Variants in PSME4 observed in about 807,000 individuals in gnomAD.
PSME4 encodes proteasome activator subunit 4.
A neutral mutation model predicts 253.9 loss-of-function variants in PSME4; 89 were observed. The observed-to-expected ratio is 0.35, with a 90% CI of 0.30 to 0.42. PSME4 has a LOEUF of 0.42. Among genes scored for constraint, PSME4 ranks in the 10% least tolerant of loss-of-function variants. The pLI is 1.00. For missense variants in PSME4, 2,014 were observed against 2,195.2 expected, an observed-to-expected ratio of 0.92 and a Z score of 1.65; for synonymous variants, 851 against 759.2, an observed-to-expected ratio of 1.12 and a Z score of -1.99.
At chr2:53,939,845 T>A (rs1166558117) in intron 4 of PSME4, 111 bp downstream of exon 4, 18 of 892,556 alleles carry the variant, frequency 2.0e-5, no homozygotes, top group Non-Finnish European at 3.0e-5. Context: ...GTGACTAACA[T>A]CACAATGTCA....
chr2:53,893,075 C>G (rs1679983229), intron 35 of PSME4, 115 bp from the exon 36 acceptor site: 1 of 796,430 alleles, frequency 1.3e-6, no homozygotes. Flanking sequence ...GCACACTCCC[C>G]TTTAGAACTG....
intron 20 of PSME4, among the ~76,000 whole-genome samples, chr2:53,914,277 T>C (rs1323605041): frequency 6.6e-6 from 1 of 152,268 alleles, no homozygotes; most frequent in East Asian, 1.9e-4. Flanking sequence ...TTAATGATGA[T>C]TTCAGGATTA....
chr2:53,962,955 A>G (rs919152452), intron 1 of PSME4, among the ~76,000 whole-genome samples: 15 of 151,328 alleles, frequency 9.9e-5, no homozygotes, highest in Non-Finnish European at 1.9e-4. Context: ...GGCTGCAGTG[A>G]GCCGAGATCG....
chr2:53,926,001 G>A lies in PSME4; in HGVS notation c.1616C>T (p.Ala539Val), dbSNP rs1241245303. Reference sequence around the variant, plus strand: ...GACGAAATCCTCAAATTCAGCTGTGGCTGAACAAAGTTCTCGTTCCACCTA... The same window carrying A: ...GACGAAATCCTCAAATTCAGCTGTGACTGAACAAAGTTCTCGTTCCACCTA... Reference protein sequence around the residue: ...LTEVERELCSATAEFEDFVLQ... With the variant: ...LTEVERELCSVTAEFEDFVLQ... The change falls in exon 13 of 47, where the codon GCC becomes GTC. Residue 539 changes from alanine to valine, a missense_variant. By Grantham distance (64) the Ala-to-Val change is moderately conservative. This residue lies in a region of PSME4 where 989 missense variants were observed against 1,021.1 expected (regional missense o/e 0.97). Transcript: ENST00000404125. The A allele has an allele frequency of 6.2e-7, 1 of 1,613,406 alleles. No homozygotes were observed. Among genetic ancestry groups the A allele is most frequent in the South Asian group, 1.1e-5 (1 of 91,062 alleles).
chr2:53,887,601 G>T, intron 39 of PSME4, 134 bp from the exon 40 acceptor site: 1 of 927,932 alleles, frequency 1.1e-6, no homozygotes, highest in Non-Finnish European at 1.6e-6. Context: ...ATGCCTGTGT[G>T]TAAAAGAAGC....
chr2:53,931,381 CAATG>C (rs1053043419), intron 10 of PSME4, among the ~76,000 whole-genome samples: 1 of 152,148 alleles, frequency 6.6e-6, no homozygotes, highest in African/African-American at 2.4e-5. Context: ...ACACAAAACA[CAATG>C]AATAAAATAA....
At chr2:53,948,070 G>C (rs1473690449) in intron 3 of PSME4, among the ~76,000 whole-genome samples, 1 of 152,068 alleles carries the variant, frequency 6.6e-6, no homozygotes, top group Non-Finnish European at 1.5e-5. Flanking sequence ...TTTAAAGCTA[G>C]ACCACAACTG....
chr2:53,889,959 T>C, intron 37 of PSME4, 145 bp downstream of exon 37: 1 of 649,242 alleles, frequency 1.5e-6, no homozygotes, highest in Admixed American at 3.0e-5. Context: ...TAGTCTCTAA[T>C]CCCATGGAAA....
chr2:53,918,335 T>C (rs893419658), intron 20 of PSME4, among the ~76,000 whole-genome samples: 2 of 152,194 alleles, frequency 1.3e-5, no homozygotes, highest in African/African-American at 4.8e-5. Context: ...TAATATATAC[T>C]GCTGATTTTA....
rs776759156 is a variant in PSME4, at chr2:53,923,355, C to T, written c.1874G>A (p.Arg625His). 2.5e-5 allele frequency: 40 copies of T among 1,610,498 alleles called. 1 individual carries two copies. Among genetic ancestry groups the T allele is most frequent in the African/African-American group, 4.0e-5 (3 of 74,642 alleles). ...SHIFETRVAG[R>H]MVADMCRAAV... is the part of the protein sequence containing the mutation. ...AGCGCGGCACATGTCTGCCACCATG[C>T]GACCTGCTACTCTTGTTTCAAATAT... Residue 625 changes from arginine (R) to histidine (H), a missense_variant, in exon 15 of 47, where the codon CGC (arginine) becomes CAC (histidine). This residue lies in a region of PSME4 where 989 missense variants were observed against 1,021.1 expected (regional missense o/e 0.97). Coordinates refer to ENST00000404125, the MANE Select transcript of PSME4 (RefSeq NM_014614.3).
intron 8 of PSME4, 173 bp from the exon 9 acceptor site, chr2:53,932,933 C>T: frequency 1.8e-6 from 1 of 549,376 alleles, no homozygotes; most frequent in Non-Finnish European, 3.2e-6. Flanking sequence ...GAACTTCATG[C>T]AAACCAACTC....
chr2:53,875,746 C>T lies in PSME4; in HGVS notation c.4825G>A (p.Val1609Met). ...TCATCGTAGCTATTGTCATTTTCCA[C>T]TGGGGCAATCTAAAAAACAATGTAA... ...LLPLFFKIAP[V>M]ENDNSYDELK... The change falls in exon 42 of 47, where the codon GTG becomes ATG. Residue 1609 changes from valine (V) to methionine (M), a missense_variant. Around this residue, in one of 4 missense-constraint regions of PSME4, gnomAD observed 403 missense variants for 556.1 expected, o/e 0.72. Coordinates refer to ENST00000404125, the MANE Select transcript of PSME4 (RefSeq NM_014614.3). 6.2e-7 allele frequency: 1 copy of T among 1,609,672 alleles called. No homozygotes were observed. The highest frequency in any genetic ancestry group is 1.1e-5 in the South Asian group (1 of 89,868).
At chr2:53,928,487 G>A (rs987754906) in intron 10 of PSME4, among the ~76,000 whole-genome samples, 184 bp from the exon 11 acceptor site, 1 of 151,314 alleles carries the variant, frequency 6.6e-6, no homozygotes, top group African/African-American at 2.4e-5. Context: ...TGTAGTTTCC[G>A]TAGTTTCAGT....
intron 10 of PSME4, among the ~76,000 whole-genome samples, chr2:53,928,699 C>T (rs1316180548): frequency 6.6e-6 from 1 of 152,140 alleles, no homozygotes; most frequent in Non-Finnish European, 1.5e-5. Context: ...CCAGTACTAT[C>T]CATGGTTTCA....
chr2:53,916,240 T>TTA (rs1668058042), intron 20 of PSME4, among the ~76,000 whole-genome samples: 3 of 7,406 alleles, frequency 4.1e-4, no homozygotes, highest in African/African-American at 1.1e-3. Flanking sequence ...AGACTCTGTC[T>TTA]CAAAAAAAAA....
intron 41 of PSME4, among the ~76,000 whole-genome samples, chr2:53,884,553 CAA>C (rs763291796): frequency 5.6e-4 from 85 of 152,282 alleles, no homozygotes; most frequent in Middle Eastern, 6.8e-3. Flanking sequence ...TCATAAACTT[CAA>C]GTGGATTCAA....
In PSME4 at chr2:53,920,942, A is replaced by G. The variant is rs780094145; in HGVS notation, c.2209T>C (p.Cys737Arg). The change falls in exon 18 of 47, where the codon TGC becomes CGC. Residue 737 changes from cysteine to arginine, a missense_variant. Coordinates refer to ENST00000404125, the MANE Select transcript of PSME4 (RefSeq NM_014614.3). ...STTLIYPTEY[C>R]SVPGGFDKPP... Reference sequence around the variant, plus strand: ...TTGTCAAAGCCACCTGGCACACTGCAGTATTCTGTAGGGTAGATAAGTGTG... The same window carrying G: ...TTGTCAAAGCCACCTGGCACACTGCGGTATTCTGTAGGGTAGATAAGTGTG... 7.4e-6 allele frequency: 12 copies of G among 1,614,000 alleles called. No individual in the cohort carries two copies. The highest frequency in any genetic ancestry group is 1.0e-5 in the Non-Finnish European group (12 of 1,179,856).
At chr2:53,960,113 T>C (rs1047766994) in intron 1 of PSME4, among the ~76,000 whole-genome samples, 8 of 152,154 alleles carry the variant, frequency 5.3e-5, no homozygotes, top group African/African-American at 9.7e-5. Context: ...TTAAGAGTCA[T>C]AGGAGGCCAG....
At position 53,928,218 on chromosome 2, in the gene PSME4, C is replaced by G. The variant is rs780472027; in HGVS notation, c.1402G>C (p.Val468Leu). The G allele has an allele frequency of 1.2e-6, 2 of 1,614,142 alleles. No homozygotes were observed. The highest frequency in any genetic ancestry group is 2.2e-5 in the South Asian group (2 of 91,078). The change falls in exon 11 of 47, where the codon GTA becomes CTA. Residue 468 changes from valine (V) to leucine (L), a missense_variant. Physicochemically the swap from Val to Leu is conservative, Grantham distance 32. Transcript: ENST00000404125. ...TCAGGAAACCATCTGCCTCCTGATACCAAACTGCGGGCTACTCCAATTACA... is the reference window on the plus strand; with the variant it reads ...TCAGGAAACCATCTGCCTCCTGATAGCAAACTGCGGGCTACTCCAATTACA... ...SCVIGVARSL[V>L]SGGRWFPEGP... is the part of the protein sequence containing the mutation.
Sources: allele counts gnomAD v4.1 joint callset (sites outside exome capture counted in the v4.1 genomes callset), GRCh38; gene constraint gnomAD v4.1.1; regional missense constraint gnomAD v4.1.1; transcripts MANE v1.5; gene names NCBI Gene and HGNC (gene_info 2026-07-23, HGNC 2026-07-21).